The following ASTN2 variants were observed in gnomAD, a reference collection of about 807,000 sequenced individuals.
The protein encoded by ASTN2 is astrotactin-2.
In ASTN2, 54 loss-of-function variants were observed where a neutral mutation model predicts 139.8. The ratio of observed to expected loss-of-function variants is 0.39; its 90% confidence interval spans 0.31 to 0.48. The LOEUF (loss-of-function observed/expected upper bound fraction) is 0.48, where lower values mean the gene tolerates loss of function less well. Among genes scored for constraint, ASTN2 ranks in the 20% least tolerant of loss-of-function variants. The pLI, the probability that ASTN2 is intolerant of heterozygous loss-of-function variation, is 0.95. For missense variants in ASTN2, 1,565 were observed against 1,725.1 expected (o/e 0.91, Z 1.64); for synonymous variants, 756 against 719.5 (o/e 1.05, Z -0.81).
intron 19 of ASTN2, among the ~76,000 whole-genome samples, chr9:116,520,669 A>G (rs913304725): frequency 6.6e-6 from 1 of 152,152 alleles, no homozygotes; most frequent in Admixed American, 6.6e-5. Flanking sequence ...AGACAAGAGA[A>G]AGAAATACAG....
intron 16 of ASTN2, among the ~76,000 whole-genome samples, chr9:116,712,628 G>C (rs929130817): frequency 1.3e-5 from 2 of 152,194 alleles, no homozygotes; most frequent in African/African-American, 4.8e-5. Context: ...AGCTGCAATA[G>C]AAAGTGGGGT....
chr9:117,285,318 C>T (rs1365704599), intron 2 of ASTN2, among the ~76,000 whole-genome samples: 3 of 142,472 alleles, frequency 2.1e-5, no homozygotes, highest in Admixed American at 7.1e-5. Context: ...TTTTTTCTAG[C>T]AGATAGGCTT....
chr9:117,000,414 G>A (rs763891602), intron 7 of ASTN2, among the ~76,000 whole-genome samples: 29 of 152,170 alleles, frequency 1.9e-4, no homozygotes, highest in Non-Finnish European at 1.6e-4. Flanking sequence ...TTAGTGTTCC[G>A]CTGTCATTTG....
intron 20 of ASTN2, among the ~76,000 whole-genome samples, chr9:116,463,622 C>T (rs1057230012): frequency 6.6e-6 from 1 of 152,178 alleles, no homozygotes; most frequent in Admixed American, 6.5e-5. Flanking sequence ...GAAGCCTTCT[C>T]TGACAGTTGA....
rs192093533 is a variant in ASTN2, at chr9:116,967,851, T to C, written c.1889+7357A>G. 6.4e-4 allele frequency among the ~76,000 whole-genome samples: 97 copies of C among 152,264 alleles called. 1 individual carries two copies. The highest frequency in any genetic ancestry group is 5.8e-3 in the East Asian group (30 of 5,162). ...GCTGCCCCAACCCTCCCTTCTGCCA[T>C]CAATGCTCCTGCCATCAATGCACAA... On this transcript the variant is annotated intron_variant, in intron 10 of 22. Transcript: ENST00000313400.
chr9:116,989,826 C>T (rs977531990), intron 7 of ASTN2, among the ~76,000 whole-genome samples: 8 of 152,024 alleles, frequency 5.3e-5, no homozygotes, highest in Admixed American at 2.0e-4. Flanking sequence ...TCAGGTGATC[C>T]GCCTGCCTCG....
At chr9:116,886,872 A>G (rs1833612194) in intron 10 of ASTN2, among the ~76,000 whole-genome samples, 1 of 152,094 alleles carries the variant, frequency 6.6e-6, no homozygotes, top group Non-Finnish European at 1.5e-5. Context: ...TTAAAGACTT[A>G]TGTGGTTTAA....
At chr9:116,825,543 A>C (rs1383214066) in intron 11 of ASTN2, among the ~76,000 whole-genome samples, 3 of 152,218 alleles carry the variant, frequency 2.0e-5, no homozygotes, top group African/African-American at 7.2e-5. Context: ...CATTCCAAAC[A>C]GATTGTCTAG....
At chr9:117,038,329 A>G (rs978224802) in intron 6 of ASTN2, among the ~76,000 whole-genome samples, 1 of 152,208 alleles carries the variant, frequency 6.6e-6, no homozygotes, top group African/African-American at 2.4e-5. Context: ...TTTTTAAAGA[A>G]TTAATGGTAC....
intron 5 of ASTN2, among the ~76,000 whole-genome samples, chr9:117,094,209 GAGGAGAGGAA>G (rs150613905): frequency 0.2 from 22,948 of 115,056 alleles, 2,141 homozygotes; most frequent in Non-Finnish European, 0.25. Context: ...GAGGAGAGGA[GAGGAGAGGAA>G]AGGAAAGAGG....
At chr9:116,711,228 A>T (rs1828146395) in intron 16 of ASTN2, among the ~76,000 whole-genome samples, 2 of 152,230 alleles carry the variant, frequency 1.3e-5, no homozygotes, top group African/African-American at 4.8e-5. Flanking sequence ...TGAAATGGGC[A>T]TATTAACTCC....
chr9:117,289,689 A>C (rs897864666), intron 2 of ASTN2, among the ~76,000 whole-genome samples: 1 of 152,210 alleles, frequency 6.6e-6, no homozygotes, highest in Non-Finnish European at 1.5e-5. Context: ...CCCACACCCC[A>C]TGAGGAACTC....
intron 2 of ASTN2, among the ~76,000 whole-genome samples, chr9:117,261,377 C>T (rs1833818011): frequency 6.6e-6 from 1 of 152,116 alleles, no homozygotes; most frequent in Admixed American, 6.6e-5. Context: ...TTAGGTGTTG[C>T]ATAGGCAGCA....
At chr9:117,124,486 G>A (rs1464628370) in intron 4 of ASTN2, among the ~76,000 whole-genome samples, 2 of 152,094 alleles carry the variant, frequency 1.3e-5, no homozygotes, top group African/African-American at 4.8e-5. Flanking sequence ...ACAACTCACA[G>A]CAATAATGAT....
chr9:116,705,498 T>C (rs1827966635), intron 16 of ASTN2, among the ~76,000 whole-genome samples: 1 of 152,174 alleles, frequency 6.6e-6, no homozygotes. Flanking sequence ...AGGATTTTCT[T>C]GTGGTGATTT....
intron 13 of ASTN2, among the ~76,000 whole-genome samples, chr9:116,745,795 T>A (rs1334912969): frequency 1.3e-5 from 2 of 152,258 alleles, no homozygotes; most frequent in African/African-American, 4.8e-5. Flanking sequence ...TCTGAAATGT[T>A]TCTAACACAA....
Position 116,847,361 on chromosome 9 carries a change from G to A in ASTN2, c.2040+16222C>T, listed in dbSNP as rs187936664. ...AATCTCTTGACCTTGTGATCTACCC[G>A]CCTTTGCCTCCCAAAGTGCTGGGAT... On this transcript the variant is annotated intron_variant, in intron 11 of 22. Coordinates refer to ENST00000313400, the MANE Select transcript of ASTN2 (RefSeq NM_001365068.1). 6.0e-3 allele frequency among the ~76,000 whole-genome samples: 919 copies of A among 152,230 alleles called. 7 individuals carry two copies. Among genetic ancestry groups the A allele is most frequent in the African/African-American group, 0.021 (861 of 41,544 alleles).
At chr9:117,373,220 A>G (rs1310289846) in intron 1 of ASTN2, among the ~76,000 whole-genome samples, 1 of 152,232 alleles carries the variant, frequency 6.6e-6, no homozygotes, top group Non-Finnish European at 1.5e-5. Flanking sequence ...ATTATGGCTT[A>G]TAAACAAACT....
chr9:116,798,291 G>C (rs1249275407), intron 13 of ASTN2, among the ~76,000 whole-genome samples: 1 of 152,206 alleles, frequency 6.6e-6, no homozygotes, highest in East Asian at 1.9e-4. Context: ...ACAAACAAAA[G>C]AGGAGAGTTT....
Sources: gnomAD v4.1 joint callset for allele counts (sites outside exome capture counted in the v4.1 genomes callset) on GRCh38, gnomAD v4.1.1 for gene constraint, MANE v1.5 for transcripts, NCBI Gene and HGNC (gene_info 2026-07-23, HGNC 2026-07-21) for gene names.